Variants in SLX9 observed in about 807,000 individuals in gnomAD.
SLX9 encodes SLX9 ribosome biogenesis factor.
A neutral mutation model predicts 20.8 loss-of-function variants in SLX9; 19 were observed. The ratio of observed to expected loss-of-function variants is 0.91; its 90% confidence interval spans 0.64 to 1.34. The LOEUF is 1.34. Ranked by LOEUF, SLX9 falls within the 40% of genes most tolerant of loss-of-function variation. The pLI is 0.00. For missense variants in SLX9, 299 were observed against 322.2 expected (o/e 0.93, Z 0.55); for synonymous variants, 113 against 137.1 (o/e 0.82, Z 1.23).
chr21:44,941,285 C>T (rs2084542720), intron 1 of SLX9, among the ~76,000 whole-genome samples: 1 of 144,996 alleles, frequency 6.9e-6, no homozygotes, highest in Non-Finnish European at 1.5e-5. Flanking sequence ...GCAGGTGGGC[C>T]TTCTTTGAAT....
At position 44,968,753 on chromosome 21, in the gene SLX9, C is replaced by CTTT. The variant is rs35304604; in HGVS notation, c.500+1587_500+1589dup. ...CTCATTCATTTGTGTCATCTCTGTGCTTTTTTTTTTTTTTTTTGGAGACGG... is the reference window on the plus strand; with the variant it reads ...CTCATTCATTTGTGTCATCTCTGTGCTTTTTTTTTTTTTTTTTTTTGGAGACGG... On this transcript the variant is annotated intron_variant, in intron 4 of 5. Coordinates refer to ENST00000291634, the MANE Select transcript of SLX9 (RefSeq NM_058190.4). 2.6e-4 allele frequency among the ~76,000 whole-genome samples: 34 copies of CTTT among 132,924 alleles called. 10 individuals carry two copies. The highest frequency in any genetic ancestry group is 2.3e-4 in the African/African-American group (8 of 34,928). 87.2% of individuals were successfully genotyped at this position (132,924 alleles called of 152,430 possible). A position where few individuals can be genotyped will look rare whatever the true frequency, so the allele number is the denominator to read the frequency against.
chr21:44,968,635 C>G (rs542672059), intron 4 of SLX9, among the ~76,000 whole-genome samples: 54 of 152,286 alleles, frequency 3.5e-4, no homozygotes, highest in African/African-American at 1.3e-3. Context: ...TGCTGAGGCT[C>G]TGGGCTCAGG....
intron 2 of SLX9, among the ~76,000 whole-genome samples, chr21:44,952,352 G>C (rs2084774333): frequency 6.6e-6 from 1 of 152,262 alleles, no homozygotes; most frequent in Admixed American, 6.5e-5. Context: ...CTCAGGGAGT[G>C]ACTCCTCCTC....
chr21:44,971,332 T>C (rs2085144470), intron 4 of SLX9, among the ~76,000 whole-genome samples: 1 of 152,156 alleles, frequency 6.6e-6, no homozygotes, highest in Non-Finnish European at 1.5e-5. Context: ...CCTTGGCCCA[T>C]GACGGTAACC....
intron 2 of SLX9, among the ~76,000 whole-genome samples, chr21:44,945,810 A>G (rs1427576815): frequency 1.3e-5 from 2 of 152,216 alleles, no homozygotes; most frequent in African/African-American, 4.8e-5. Context: ...TCCTGGGTTC[A>G]AGTGATTCCC....
At chr21:44,940,672 A>AT (rs34771024) in intron 1 of SLX9, among the ~76,000 whole-genome samples, 7,059 of 145,968 alleles carry the variant, frequency 0.048, 229 homozygotes, top group African/African-American at 0.076. Context: ...TGCTTTCAGG[A>AT]TTTTTTTTTT....
At chr21:44,962,010 A>G (rs1601405922) in intron 3 of SLX9, among the ~76,000 whole-genome samples, 1 of 152,322 alleles carries the variant, frequency 6.6e-6, no homozygotes, top group East Asian at 1.9e-4. Context: ...CACCACACAG[A>G]TTTTACAATC....
chr21:44,955,676 C>T (rs971314827), intron 2 of SLX9, among the ~76,000 whole-genome samples: 1 of 152,198 alleles, frequency 6.6e-6, no homozygotes, highest in Non-Finnish European at 1.5e-5. Context: ...CGTGCTGCTG[C>T]TCCCGGCCCC....
chr21:44,964,743 A>C (rs2085004317), intron 3 of SLX9, among the ~76,000 whole-genome samples: 1 of 152,216 alleles, frequency 6.6e-6, no homozygotes, highest in Non-Finnish European at 1.5e-5. Flanking sequence ...CGAACACTCG[A>C]TATTATGAAA....
chr21:44,967,184 G>C lies in SLX9; in HGVS notation c.500+3G>C. ...GGCAGCCGGCGCCAAGCCCGCAGGT[G>C]AGTGTCCGGGAGGGGTGGCCCTTTC... On this transcript the variant is annotated splice_donor_region_variant and intron_variant, in intron 4 of 5. Coordinates refer to ENST00000291634, the MANE Select transcript of SLX9 (RefSeq NM_058190.4). 1 of 1,567,480 alleles carries C rather than the reference G, an allele frequency of 6.4e-7. No individual in the cohort carries two copies. Among genetic ancestry groups the C allele is most frequent in the Non-Finnish European group, 8.6e-7 (1 of 1,158,034 alleles).
chr21:44,975,121 A>G (rs987267504), intron 5 of SLX9, among the ~76,000 whole-genome samples: 8 of 152,022 alleles, frequency 5.3e-5, no homozygotes, highest in East Asian at 3.9e-4. Context: ...TTTCATGTCC[A>G]TGGTGCTTTC....
intron 5 of SLX9, among the ~76,000 whole-genome samples, chr21:44,976,045 G>C (rs959847844): frequency 6.6e-6 from 1 of 152,250 alleles, no homozygotes; most frequent in Non-Finnish European, 1.5e-5. Flanking sequence ...GGCAGAGCCC[G>C]TCTGGGAGCT....
chr21:44,958,020 A>T (rs990929148), intron 2 of SLX9, among the ~76,000 whole-genome samples: 5 of 152,380 alleles, frequency 3.3e-5, no homozygotes, highest in South Asian at 2.1e-4. Flanking sequence ...ACCCTTCTGT[A>T]GCCTCAGCTC....
intron 2 of SLX9, among the ~76,000 whole-genome samples, chr21:44,953,198 C>T (rs2084790570): frequency 6.6e-6 from 1 of 152,252 alleles, no homozygotes; most frequent in South Asian, 2.1e-4. Flanking sequence ...GCGAGTGCCC[C>T]CCGGCTACAG....
intron 1 of SLX9, 112 bp downstream of exon 1, chr21:44,940,298 C>A: frequency 8.5e-7 from 1 of 1,176,228 alleles, no homozygotes; most frequent in Non-Finnish European, 1.1e-6. Flanking sequence ...TCGGGCTCTG[C>A]GGGCATTTGC....
chr21:44,950,611 C>T (rs1216817141), intron 2 of SLX9, among the ~76,000 whole-genome samples: 5 of 152,232 alleles, frequency 3.3e-5, no homozygotes, highest in South Asian at 2.1e-4. Context: ...GACCAGGGGT[C>T]GGAGGTGTGG....
chr21:44,945,891 C>T (rs554751771), intron 2 of SLX9, among the ~76,000 whole-genome samples: 7 of 152,318 alleles, frequency 4.6e-5, no homozygotes, highest in Admixed American at 3.3e-4. Flanking sequence ...AACGCCACCA[C>T]GCCCGGCTAA....
intron 2 of SLX9, among the ~76,000 whole-genome samples, chr21:44,955,699 C>A (rs907577078): frequency 6.6e-6 from 1 of 152,198 alleles, no homozygotes; most frequent in East Asian, 1.9e-4. Flanking sequence ...CTTTTCTTTA[C>A]AAGTGTGTGT....
intron 2 of SLX9, 105 bp from the exon 3 acceptor site, chr21:44,959,995 A>C: frequency 1.0e-6 from 1 of 967,950 alleles, no homozygotes; most frequent in Non-Finnish European, 1.6e-6. Flanking sequence ...GACCAGTTGC[A>C]GTGACTGTGG....
Sources: gnomAD v4.1 joint callset for allele counts (sites outside exome capture counted in the v4.1 genomes callset) on GRCh38, gnomAD v4.1.1 for gene constraint, MANE v1.5 for transcripts, NCBI Gene and HGNC (gene_info 2026-07-23, HGNC 2026-07-21) for gene names.